Variants in TMEM91 observed in about 807,000 individuals in gnomAD.
TMEM91 encodes the protein transmembrane protein 91.
A neutral mutation model predicts 13.3 loss-of-function variants in TMEM91; 6 were observed. That is an observed-to-expected ratio of 0.45 (90% CI 0.25 to 0.89). The LOEUF (loss-of-function observed/expected upper bound fraction) is 0.89, where lower values mean the gene tolerates loss of function less well. Among genes scored for constraint, TMEM91 ranks in the 40% least tolerant of loss-of-function variants. The pLI, the probability that TMEM91 is intolerant of heterozygous loss-of-function variation, is 0.19. For missense variants in TMEM91, 193 were observed against 228.7 expected, an observed-to-expected ratio of 0.84 and a Z score of 1.01; for synonymous variants, 87 against 101.7, an observed-to-expected ratio of 0.86 and a Z score of 0.87.
At position 41,382,941 on chromosome 19, in the gene TMEM91, TTGGAG is replaced by T; in HGVS notation, c.360+21_360+25del. ...CAGAAGGTCAGTCTGTGTGTGGGAC[TTGGAG>T]GGGACTGGGCATAAAAGAGAAAAAT... On this transcript the variant is annotated intron_variant, in intron 3 of 3. Transcript: ENST00000392002. 6.2e-7 allele frequency: 1 copy of T among 1,610,180 alleles called. No individual in the cohort carries two copies.
intron 1 of TMEM91, among the ~76,000 whole-genome samples, chr19:41,364,759 T>G (rs189052807): frequency 2.0e-5 from 3 of 151,974 alleles, no homozygotes; most frequent in Admixed American, 6.6e-5. Flanking sequence ...GAACTAAGAT[T>G]CCCTTATTTG....
At chr19:41,379,553 G>A (rs1179228657) in intron 2 of TMEM91, among the ~76,000 whole-genome samples, 1 of 147,000 alleles carries the variant, frequency 6.8e-6, no homozygotes, top group African/African-American at 2.5e-5. Context: ...AGAGGGGGGA[G>A]AGAGAGAGAG....
At position 41,378,823 on chromosome 19, in the gene TMEM91, TGAGAGAGAGAGAGA is replaced by T. The variant is rs1160229560; in HGVS notation, c.210+321_210+334del. ...CTGTCTCCCTCTTTGTGTGTGTGTG[TGAGAGAGAGAGAGA>T]GAGAGAGAGAGAGAGACAGGGTCTC... On this transcript the variant is annotated intron_variant, in intron 2 of 3. Transcript: ENST00000392002. Among the ~76,000 whole-genome samples the T allele has an allele frequency of 4.8e-3, 216 of 44,658 alleles. 1 individual carries two copies. Among genetic ancestry groups the T allele is most frequent in the African/African-American group, 0.013 (208 of 15,846 alleles). The allele number at this position is 44,658 out of a possible 152,430, so 29.3% of individuals were successfully genotyped here.
chr19:41,372,918 A>G (rs2038646989), upstream of TMEM91, among the ~76,000 whole-genome samples: 1 of 140,274 alleles, frequency 7.1e-6, no homozygotes, highest in South Asian at 2.4e-4. Context: ...CCTTGCTGGA[A>G]TCTCGTGATC....
chr19:41,380,374 C>T (rs2038850976), intron 2 of TMEM91, among the ~76,000 whole-genome samples: 2 of 152,142 alleles, frequency 1.3e-5, no homozygotes, highest in Admixed American at 1.3e-4. Context: ...ACATGACTTC[C>T]ACCACATTCT....
At chr19:41,367,375 G>T (rs1450160612) in intron 1 of TMEM91, among the ~76,000 whole-genome samples, 1 of 152,024 alleles carries the variant, frequency 6.6e-6, no homozygotes, top group Non-Finnish European at 1.5e-5. Flanking sequence ...GCTCACGCCT[G>T]TAATCCCAGC....
intron 2 of TMEM91, among the ~76,000 whole-genome samples, chr19:41,381,379 G>A (rs78531780): frequency 1.4e-5 from 1 of 69,406 alleles, no homozygotes; most frequent in South Asian, 4.5e-4. Context: ...TTTTTTTTTT[G>A]AGATGGAGTC....
At chr19:41,379,777 T>C (rs1449214680) in intron 2 of TMEM91, among the ~76,000 whole-genome samples, 2 of 151,878 alleles carry the variant, frequency 1.3e-5, no homozygotes, top group Non-Finnish European at 2.9e-5. Flanking sequence ...CTTAGTTGCA[T>C]GGTTCTGCCT....
chr19:41,380,424 G>T (rs557499712), intron 2 of TMEM91, among the ~76,000 whole-genome samples: 1 of 152,268 alleles, frequency 6.6e-6, no homozygotes, highest in Admixed American at 6.5e-5. Context: ...CAAATTCAAG[G>T]GGAGGGGACA....
At chr19:41,373,229 C>T (rs8108357), upstream of TMEM91, among the ~76,000 whole-genome samples, 87,277 of 151,894 alleles carry the variant, frequency 0.57, 25,322 homozygotes, top group Non-Finnish European at 0.6. Flanking sequence ...CTTGAGCCAC[C>T]GTACCCAGCT....
intron 2 of TMEM91, among the ~76,000 whole-genome samples, chr19:41,381,100 A>AAC (rs1330737061): frequency 4.7e-5 from 7 of 149,558 alleles, no homozygotes; most frequent in African/African-American, 1.7e-4. Flanking sequence ...AAAAAAAAAA[A>AAC]AGCTTAAAAA....
rs1389225930 is a variant in TMEM91, at chr19:41,383,615, G to A, written c.361-100G>A. On this transcript the variant is annotated intron_variant, in intron 3 of 3. Coordinates refer to ENST00000392002, the MANE Select transcript of TMEM91 (RefSeq NM_001098821.2). ...CTACGTATCTGCTTTTGGAATACAT[G>A]CATGAATGAATGAATGGGTATGTTG... 3.7e-6 allele frequency: 6 copies of A among 1,613,876 alleles called. No individual in the cohort carries two copies. The African/African-American group carries it at 6.7e-5, about 18-fold the overall frequency.
upstream of TMEM91, among the ~76,000 whole-genome samples, chr19:41,373,573 C>T (rs1401822046): frequency 2.3e-5 from 2 of 85,604 alleles, no homozygotes; most frequent in African/African-American, 9.5e-5. Context: ...ATTCAAACTA[C>T]AAACAAGAAA....
chr19:41,382,019 C>G (rs931906458), intron 2 of TMEM91, among the ~76,000 whole-genome samples: 2 of 151,864 alleles, frequency 1.3e-5, no homozygotes, highest in Non-Finnish European at 2.9e-5. Context: ...GGGCATACCA[C>G]CACGCCTGGC....
chr19:41,381,688 T>G (rs2038891756), intron 2 of TMEM91, among the ~76,000 whole-genome samples: 1 of 152,076 alleles, frequency 6.6e-6, no homozygotes, highest in South Asian at 2.1e-4. Context: ...TTTAAATTTT[T>G]TTTTGTAGAG....
At chr19:41,364,050 A>G, upstream of TMEM91, 1 of 172,652 alleles carries the variant, frequency 5.8e-6, no homozygotes, top group South Asian at 1.1e-4. Context: ...GGCGCCGACC[A>G]GGCCTGGCTC....
At chr19:41,371,944 C>T (rs980557994), upstream of TMEM91, among the ~76,000 whole-genome samples, 7 of 151,826 alleles carry the variant, frequency 4.6e-5, no homozygotes, top group Admixed American at 2.0e-4. Flanking sequence ...GCTATCACAG[C>T]CACTCCTGGA....
In TMEM91 at chr19:41,383,813, C is replaced by T; in HGVS notation, c.459C>T (p.Cys153=). 6.2e-7 allele frequency: 1 copy of T among 1,611,280 alleles called. No individual in the cohort carries two copies. ...TCCTCGCCGTCGGGCTGGGCGTGTG[C>T]ACGTATGCGGCTGCCCTGGTGACCC... ...LGVLAVGLGV[C]TYAAALVTLA... is the part of the protein sequence containing the mutation. The change falls in exon 4 of 4, where the codon TGC becomes TGT. Residue 153 remains cysteine, a synonymous_variant. Coordinates refer to ENST00000392002, the MANE Select transcript of TMEM91 (RefSeq NM_001098821.2).
At chr19:41,383,100 C>A in intron 3 of TMEM91, 179 bp downstream of exon 3, 1 of 846,312 alleles carries the variant, frequency 1.2e-6, no homozygotes, top group Non-Finnish European at 1.8e-6. Flanking sequence ...GTCGCCCAGG[C>A]TGGAGTGCAG....
Sources: allele counts gnomAD v4.1 joint callset (sites outside exome capture counted in the v4.1 genomes callset), GRCh38; gene constraint gnomAD v4.1.1; transcripts MANE v1.5; gene names NCBI Gene and HGNC (gene_info 2026-07-23, HGNC 2026-07-21).